ZNF469: variants seen among roughly 807,000 people sequenced by gnomAD.
ZNF469 encodes the protein zinc finger protein 469.
Under a neutral mutation model 1.0 loss-of-function variants are expected in ZNF469, and 1 was observed. The ratio of observed to expected loss-of-function variants is 1.00; its 90% confidence interval spans 0.35 to 4.73. The LOEUF (loss-of-function observed/expected upper bound fraction) is 4.73. Ranked by LOEUF, ZNF469 falls within the 30% of genes most tolerant of loss-of-function variation. The pLI is 0.16. For synonymous variants in ZNF469, 2,703 were observed against 2,363.4 expected (o/e 1.14, Z -4.17); for missense variants, 6,100 against 5,356.3 (o/e 1.14, Z -4.33).
chr16:88,401,530 G>C (rs1228611813), intron 1 of ZNF469, among the ~76,000 whole-genome samples: 1 of 110,732 alleles, frequency 9.0e-6, no homozygotes, highest in African/African-American at 2.9e-5. Flanking sequence ...TGGATGGATG[G>C]ATGCATGGGT....
At chr16:88,185,675 C>A in the ZNF469 span, among the ~76,000 whole-genome samples, 2 of 145,880 alleles carry the variant, frequency 1.4e-5, no homozygotes, top group African/African-American at 5.1e-5. Context: ...ACTCATGTGC[C>A]CAGACCCACA....
the ZNF469 span, among the ~76,000 whole-genome samples, chr16:88,239,695 ATATATATATATATATATATATTT>A: frequency 7.0e-4 from 4 of 5,722 alleles, 1 homozygote; most frequent in South Asian, 0.021. Flanking sequence ...ATATATATAT[ATATATATATATATATATATATTT>A]TTTTTTTTTT....
the ZNF469 span, among the ~76,000 whole-genome samples, chr16:88,266,768 C>A: frequency 6.6e-6 from 1 of 152,224 alleles, no homozygotes; most frequent in Admixed American, 6.5e-5. Context: ...GTGGATAAAA[C>A]TGGTCCCAGG....
At chr16:88,220,267 C>T in the ZNF469 span, among the ~76,000 whole-genome samples, 5 of 152,166 alleles carry the variant, frequency 3.3e-5, no homozygotes, top group Non-Finnish European at 5.9e-5. Flanking sequence ...CTTGTGTGAA[C>T]GCATCCTTCA....
At chr16:88,338,381 C>A in the ZNF469 span, among the ~76,000 whole-genome samples, 1 of 152,328 alleles carries the variant, frequency 6.6e-6, no homozygotes, top group East Asian at 1.9e-4. Flanking sequence ...AGGCCACCCC[C>A]GGCTCCTGAC....
chr16:88,352,807 C>T, the ZNF469 span, among the ~76,000 whole-genome samples: 18 of 152,198 alleles, frequency 1.2e-4, no homozygotes, highest in Admixed American at 3.9e-4. Context: ...ATGGCTGCCC[C>T]GGCCTCACAG....
chr16:88,392,871 C>T (rs1187167389), intron 1 of ZNF469, among the ~76,000 whole-genome samples: 2 of 152,250 alleles, frequency 1.3e-5, no homozygotes, highest in East Asian at 3.8e-4. Context: ...CCCAACCTCC[C>T]TTGCTCCTTG....
upstream of ZNF469, among the ~76,000 whole-genome samples, chr16:88,380,941 C>T (rs1362236560): frequency 1.4e-5 from 2 of 148,144 alleles, no homozygotes; most frequent in African/African-American, 2.5e-5. Context: ...CGCACTCACA[C>T]ACAGACACGC....
the ZNF469 span, among the ~76,000 whole-genome samples, chr16:88,121,548 C>T: frequency 6.6e-6 from 1 of 152,312 alleles, no homozygotes; most frequent in Admixed American, 6.5e-5. Context: ...CTGGCTGTCA[C>T]GTCACAACCC....
chr16:88,333,971 T>G, the ZNF469 span, among the ~76,000 whole-genome samples: 1 of 151,640 alleles, frequency 6.6e-6, no homozygotes, highest in Non-Finnish European at 1.5e-5. Flanking sequence ...TGTGTCTGTG[T>G]GCATCTGTGT....
At chr16:88,156,614 A>C in the ZNF469 span, among the ~76,000 whole-genome samples, 2 of 152,246 alleles carry the variant, frequency 1.3e-5, no homozygotes, top group Non-Finnish European at 2.9e-5. Context: ...TCATATTGCT[A>C]TTACAAGGGT....
At chr16:88,270,069 C>A in the ZNF469 span, among the ~76,000 whole-genome samples, 1 of 152,220 alleles carries the variant, frequency 6.6e-6, no homozygotes, top group East Asian at 1.9e-4. Context: ...CAGCTGGAGA[C>A]TGGCATTCGT....
the ZNF469 span, among the ~76,000 whole-genome samples, chr16:88,345,383 A>G: frequency 6.6e-6 from 1 of 152,196 alleles, no homozygotes; most frequent in Admixed American, 6.5e-5. Flanking sequence ...CCTAATTTCA[A>G]TTAACTTAAA....
At chr16:88,273,100 G>T in the ZNF469 span, among the ~76,000 whole-genome samples, 2 of 152,120 alleles carry the variant, frequency 1.3e-5, no homozygotes, top group Non-Finnish European at 2.9e-5. Flanking sequence ...TAGATAGACT[G>T]GTGGGTAGGT....
At position 88,434,253 on chromosome 16, in the gene ZNF469, G is replaced by A. The variant is rs1307989483; in HGVS notation, c.6783G>A (p.Leu2261=). The A allele has an allele frequency of 3.2e-6, 5 of 1,550,236 alleles. No individual in the cohort carries two copies. The highest frequency in any genetic ancestry group is 4.9e-5 in the East Asian group (2 of 40,932). Residue 2261 remains leucine, a synonymous_variant, in exon 3 of 3, where the codon CTG becomes CTA. Coordinates refer to ENST00000565624, the MANE Select transcript of ZNF469 (RefSeq NM_001367624.2). The part of the protein sequence containing the change: ...RIPEDSRKEK[L]WESPGRATSP... ...CAGAGGATTCCAGAAAAGAGAAGCT[G>A]TGGGAGTCTCCTGGCCGAGCCACCT...
At chr16:88,126,097 G>A in the ZNF469 span, among the ~76,000 whole-genome samples, 1 of 148,908 alleles carries the variant, frequency 6.7e-6, no homozygotes, top group South Asian at 2.1e-4. Context: ...GCTGAGACAG[G>A]AGAATTGCTT....
chr16:88,106,411 T>G, the ZNF469 span, among the ~76,000 whole-genome samples: 2 of 152,256 alleles, frequency 1.3e-5, no homozygotes, highest in African/African-American at 2.4e-5. Context: ...GAACCCTGTC[T>G]ACTCTTGTGT....
chr16:88,118,681 G>A, the ZNF469 span, among the ~76,000 whole-genome samples: 400 of 152,292 alleles, frequency 2.6e-3, no homozygotes, highest in African/African-American at 9.1e-3. Flanking sequence ...TTAGCAGAGG[G>A]GCCCTGTTGT....
chr16:88,328,601 C>T, the ZNF469 span, among the ~76,000 whole-genome samples: 2 of 152,248 alleles, frequency 1.3e-5, no homozygotes, highest in Non-Finnish European at 2.9e-5. Context: ...CCGGGTTCTT[C>T]TCCAACGCAC....
Sources: allele counts gnomAD v4.1 joint callset (sites outside exome capture counted in the v4.1 genomes callset), GRCh38; gene constraint gnomAD v4.1.1; transcripts MANE v1.5; gene names NCBI Gene and HGNC (gene_info 2026-07-23, HGNC 2026-07-21).